Variants in FAM13A observed in about 807,000 individuals in gnomAD.
FAM13A encodes the protein family with sequence similarity 13 member A, also known as protein FAM13A.
A neutral mutation model predicts 129.6 loss-of-function variants in FAM13A; 76 were observed. That is an observed-to-expected ratio of 0.59 (90% CI 0.49 to 0.71). The LOEUF (loss-of-function observed/expected upper bound fraction) is 0.71, where lower values mean the gene tolerates loss of function less well. Ranked by LOEUF, FAM13A falls within the 30% of genes least tolerant of loss-of-function variation. The probability of loss-of-function intolerance (pLI) is 0.00; values close to 1 mark genes in which losing one functional copy is unlikely to be tolerated. For synonymous variants in FAM13A, 443 were observed against 449.9 expected, an observed-to-expected ratio of 0.98 and a Z score of 0.20; for missense variants, 1,108 against 1,249.3, an observed-to-expected ratio of 0.89 and a Z score of 1.70.
At chr4:88,872,903 A>G (rs373451446) in intron 6 of FAM13A, among the ~76,000 whole-genome samples, 1 of 152,210 alleles carries the variant, frequency 6.6e-6, no homozygotes, top group East Asian at 1.9e-4. Context: ...AGCACTCCTC[A>G]GCAAATGTAA....
intron 11 of FAM13A, among the ~76,000 whole-genome samples, chr4:88,776,817 T>C (rs995215114): frequency 1.1e-4 from 16 of 151,806 alleles, no homozygotes; most frequent in Non-Finnish European, 1.8e-4. Flanking sequence ...TCCACTAAAA[T>C]ACAAAAATTA....
intron 1 of FAM13A, among the ~76,000 whole-genome samples, chr4:89,051,575 A>G (rs866685717): frequency 1.2e-4 from 19 of 152,192 alleles, no homozygotes; most frequent in African/African-American, 4.6e-4. Flanking sequence ...GCATCAACTC[A>G]AAAGTCTAAC....
chr4:89,045,312 G>T (rs1367449195), intron 1 of FAM13A, among the ~76,000 whole-genome samples: 1 of 152,114 alleles, frequency 6.6e-6, no homozygotes, highest in African/African-American at 2.4e-5. Flanking sequence ...TCAGTAAGGG[G>T]CAGAGAGGAA....
At chr4:89,046,921 T>C (rs1770929749) in intron 1 of FAM13A, among the ~76,000 whole-genome samples, 1 of 150,632 alleles carries the variant, frequency 6.6e-6, no homozygotes, top group Non-Finnish European at 1.5e-5. Context: ...TTTTTTTAAG[T>C]AAAAAAAAAG....
At chr4:88,908,993 ACTTAAT>A (rs1334999397) in intron 5 of FAM13A, among the ~76,000 whole-genome samples, 18 of 152,320 alleles carry the variant, frequency 1.2e-4, no homozygotes, top group African/African-American at 4.1e-4. Flanking sequence ...ACTGGTGATA[ACTTAAT>A]GTATTCTTTT....
At chr4:88,776,740 C>T (rs1054473606) in intron 11 of FAM13A, among the ~76,000 whole-genome samples, 5 of 151,920 alleles carry the variant, frequency 3.3e-5, no homozygotes, top group African/African-American at 1.2e-4. Context: ...TTTGAGAAGC[C>T]GAGGGGGGCA....
chr4:88,802,927 T>A (rs577333210), intron 8 of FAM13A, among the ~76,000 whole-genome samples: 1 of 152,218 alleles, frequency 6.6e-6, no homozygotes, highest in Non-Finnish European at 1.5e-5. Context: ...TGCTCTCATC[T>A]TCTGTCTGTT....
chr4:88,907,509 C>A (rs779355465), intron 5 of FAM13A, among the ~76,000 whole-genome samples: 2 of 151,620 alleles, frequency 1.3e-5, no homozygotes, highest in Non-Finnish European at 2.9e-5. Flanking sequence ...ATAAAATGTC[C>A]CTAAAGAAAG....
At chr4:88,935,974 A>T (rs1753789292) in intron 5 of FAM13A, among the ~76,000 whole-genome samples, 1 of 152,214 alleles carries the variant, frequency 6.6e-6, no homozygotes, top group Non-Finnish European at 1.5e-5. Context: ...ACACTTCCAG[A>T]GAATATAAAT....
intron 10 of FAM13A, 91 bp from the exon 11 acceptor site, chr4:88,781,442 C>T: frequency 1.2e-6 from 1 of 857,476 alleles, no homozygotes; most frequent in South Asian, 2.2e-5. Flanking sequence ...CCTAGGAAAT[C>T]CAAAGAGTGC....
At chr4:88,976,712 C>T (rs75316663) in intron 4 of FAM13A, among the ~76,000 whole-genome samples, 1 of 16,688 alleles carries the variant, frequency 6.0e-5, no homozygotes, top group Non-Finnish European at 1.3e-4. Context: ...TATTTACTCA[C>T]CACTCACTCA....
intron 4 of FAM13A, among the ~76,000 whole-genome samples, chr4:88,989,340 G>A (rs1762656615): frequency 6.6e-6 from 1 of 152,162 alleles, no homozygotes; most frequent in Admixed American, 6.5e-5. Context: ...AGTGGCTCAT[G>A]CCCGTAATCC....
Position 88,991,161 on chromosome 4 carries a change from A to G in FAM13A, c.428-11T>C. On this transcript the variant is annotated splice_polypyrimidine_tract_variant and intron_variant, in intron 3 of 23. Transcript: ENST00000264344. ...CATCATTTCTGCCATCTGGAAAAAA[A>G]AAGAATAAAAATGTTCTAAGGTATA... The G allele has an allele frequency of 6.2e-7, 1 of 1,603,446 alleles. No homozygotes were observed. Among genetic ancestry groups the G allele is most frequent in the Non-Finnish European group, 8.5e-7 (1 of 1,172,918 alleles).
chr4:88,868,556 T>C (rs1365553821), intron 6 of FAM13A, among the ~76,000 whole-genome samples: 2 of 152,154 alleles, frequency 1.3e-5, no homozygotes, highest in Non-Finnish European at 2.9e-5. Context: ...TTAAAACTGT[T>C]CAGTGGCTTT....
chr4:88,896,218 A>C (rs190968014), intron 6 of FAM13A, among the ~76,000 whole-genome samples: 6,236 of 149,280 alleles, frequency 0.042, 170 homozygotes, highest in Non-Finnish European at 0.063. Flanking sequence ...GGAATTGAAC[A>C]ATGAGATCAC....
intron 19 of FAM13A, among the ~76,000 whole-genome samples, chr4:88,743,589 G>C (rs551584211): frequency 6.6e-6 from 1 of 152,236 alleles, no homozygotes; most frequent in South Asian, 2.1e-4. Flanking sequence ...TCACAAATAA[G>C]AAGTAGGATC....
At position 89,028,038 on chromosome 4, in the gene FAM13A, C is replaced by G. The variant is rs1334619257; in HGVS notation, c.217+1422G>C. On this transcript the variant is annotated intron_variant, in intron 2 of 23. Coordinates refer to ENST00000264344, the MANE Select transcript of FAM13A (RefSeq NM_014883.4). ...TGGCCAACATGGTGAAATCCCATCT[C>G]TACTAATAATACAAAAAAAAAAAAA... 2.3e-5 allele frequency among the ~76,000 whole-genome samples: 3 copies of G among 132,648 alleles called. No homozygotes were observed. In the South Asian group the frequency reaches 7.2e-4, roughly 32 times the overall value. 87.0% of individuals were successfully genotyped at this position (132,648 alleles called of 152,430 possible). A position where few individuals can be genotyped will look rare whatever the true frequency, so the allele number is the denominator to read the frequency against.
At chr4:88,942,974 A>T (rs1178926890) in intron 4 of FAM13A, among the ~76,000 whole-genome samples, 1 of 152,178 alleles carries the variant, frequency 6.6e-6, no homozygotes, top group Non-Finnish European at 1.5e-5. Flanking sequence ...TATCAAAATA[A>T]TCCCTGTGCC....
chr4:89,000,076 T>C (rs1764046556), intron 3 of FAM13A, among the ~76,000 whole-genome samples: 1 of 152,220 alleles, frequency 6.6e-6, no homozygotes, highest in South Asian at 2.1e-4. Flanking sequence ...GGCCTCTTCT[T>C]GGCCTTGGAG....
Sources: gnomAD v4.1 joint callset for allele counts (sites outside exome capture counted in the v4.1 genomes callset) on GRCh38, gnomAD v4.1.1 for gene constraint, MANE v1.5 for transcripts, NCBI Gene and HGNC (gene_info 2026-07-23, HGNC 2026-07-21) for gene names.